Variants in TCAIM observed in about 807,000 individuals in gnomAD.
The protein encoded by TCAIM is T-cell activation inhibitor, mitochondrial.
In TCAIM, 36 loss-of-function variants were observed where a neutral mutation model predicts 58.6. The observed-to-expected ratio is 0.61, with a 90% confidence interval of 0.47 to 0.81. TCAIM has a LOEUF of 0.81. Ranked by LOEUF, TCAIM falls within the 30% of genes least tolerant of loss-of-function variation. The pLI is 0.00. For synonymous variants in TCAIM, 172 were observed against 193.6 expected, an observed-to-expected ratio of 0.89 and a Z score of 0.93; for missense variants, 466 against 579.6, an observed-to-expected ratio of 0.80 and a Z score of 2.01.
chr3:44,400,554 G>A lies in TCAIM; in HGVS notation c.1085G>A (p.Arg362Gln), dbSNP rs142277459. 1.7e-5 allele frequency: 28 copies of A among 1,613,246 alleles called. No individual in the cohort carries two copies. In the African/African-American group the frequency reaches 2.0e-4, roughly 12 times the overall value. The change falls in exon 9 of 11, where the codon CGA becomes CAA. Residue 362 changes from arginine to glutamine, a missense_variant. Physicochemically the swap from Arg to Gln is conservative, Grantham distance 43. Transcript: ENST00000342649. ...LLKSRILFHP[R>Q]SLRGLQMILN... ...AAAAGTAGAATACTATTTCACCCTC[G>A]AAGTTTGCGTGGTTTACAAATGATC...
intron 1 of TCAIM, among the ~76,000 whole-genome samples, chr3:44,353,690 T>C (rs541962300): frequency 2.6e-5 from 4 of 152,374 alleles, no homozygotes; most frequent in Admixed American, 6.5e-5. Flanking sequence ...GATGTTGAAC[T>C]GCATTTCATA....
intron 4 of TCAIM, among the ~76,000 whole-genome samples, chr3:44,364,516 A>G (rs527848629): frequency 2.0e-5 from 3 of 152,256 alleles, no homozygotes. Flanking sequence ...CAAGGCAGGC[A>G]AATTGCTTGA....
intron 5 of TCAIM, among the ~76,000 whole-genome samples, chr3:44,387,416 G>A (rs1701761817): frequency 6.6e-6 from 1 of 152,182 alleles, no homozygotes; most frequent in Admixed American, 6.5e-5. Context: ...ACCTAGGTCT[G>A]GGCTCCCCAA....
rs370734589 is a variant in TCAIM at position 44,354,719 on chromosome 3, A to G, written c.-44-20A>G. ...TTAAAATTCTACTTGTTCATTTGTG[A>G]TATCTGCTTAACTTTTAAGCAATTA... On this transcript the variant is annotated intron_variant, in intron 1 of 10. Transcript: ENST00000342649. The G allele has an allele frequency of 8.3e-4, 1,273 of 1,531,772 alleles. 2 individuals are homozygous for G. Among genetic ancestry groups the G allele is most frequent in the Non-Finnish European group, 1.0e-3 (1,130 of 1,124,584 alleles). The allele number at this position is 1,531,772 out of a possible 1,614,324, so 94.9% of individuals were successfully genotyped here.
chr3:44,373,134 T>A (rs1701507060), intron 5 of TCAIM, among the ~76,000 whole-genome samples: 2 of 149,720 alleles, frequency 1.3e-5, no homozygotes, highest in Middle Eastern at 3.2e-3. Context: ...TTTTTATTTT[T>A]AAATATTTTT....
intron 1 of TCAIM, among the ~76,000 whole-genome samples, chr3:44,353,238 A>G (rs1328143557): frequency 1.5e-4 from 7 of 46,588 alleles, no homozygotes; most frequent in African/African-American, 3.0e-4. Flanking sequence ...TTAACTTAGT[A>G]GTATCCAGTT....
intron 3 of TCAIM, among the ~76,000 whole-genome samples, chr3:44,360,729 C>T (rs1701282870): frequency 6.6e-6 from 1 of 151,968 alleles, no homozygotes; most frequent in Admixed American, 6.6e-5. Context: ...CCTCAGCCTC[C>T]TGAGTAGCTG....
At position 44,398,072 on chromosome 3, in the gene TCAIM, C is replaced by T. The variant is rs185701911; in HGVS notation, c.885+1238C>T. On this transcript the variant is annotated intron_variant, in intron 8 of 10. Transcript: ENST00000342649. Reference sequence around the variant, plus strand: ...CTAGAAAAACCAATCCAACCAAAAACGGTGACATGAAATGACATGTTGCCA... The same window carrying T: ...CTAGAAAAACCAATCCAACCAAAAATGGTGACATGAAATGACATGTTGCCA... Among the ~76,000 whole-genome samples the T allele has an allele frequency of 1.3e-4, 20 of 150,516 alleles. No homozygotes were observed. The East Asian group carries it at 2.7e-3, about 20-fold the overall frequency.
At chr3:44,365,672 A>C (rs939750306) in intron 4 of TCAIM, among the ~76,000 whole-genome samples, 1 of 152,170 alleles carries the variant, frequency 6.6e-6, no homozygotes, top group African/African-American at 2.4e-5. Flanking sequence ...AAAAGGTCAA[A>C]GAACAGTGCT....
chr3:44,363,216 G>A (rs978458879), intron 4 of TCAIM, among the ~76,000 whole-genome samples: 1 of 152,198 alleles, frequency 6.6e-6, no homozygotes, highest in African/African-American at 2.4e-5. Flanking sequence ...CAGCAAATTA[G>A]GGACAGAGCT....
In TCAIM at chr3:44,407,751, A is replaced by G; in HGVS notation, c.*69A>G. ...TAAATTAAAAATATTTAAATCCACA[A>G]TTTGATATAACAGTATTATTTACAT... On this transcript the variant is annotated 3_prime_UTR_variant, in exon 11 of 11. Transcript: ENST00000342649. 4 of 1,414,640 alleles carry G rather than the reference A, an allele frequency of 2.8e-6. No individual in the cohort carries two copies. The highest frequency in any genetic ancestry group is 3.8e-6 in the Non-Finnish European group (4 of 1,059,776). The allele number at this position is 1,414,640 out of a possible 1,614,324, so 87.6% of individuals were successfully genotyped here.
intron 5 of TCAIM, among the ~76,000 whole-genome samples, chr3:44,373,636 A>G (rs1036874317): frequency 1.3e-5 from 2 of 152,202 alleles, no homozygotes; most frequent in South Asian, 2.1e-4. Flanking sequence ...CGTGGGTGAC[A>G]GAGTGAGACT....
At chr3:44,385,427 A>G (rs926002716) in intron 5 of TCAIM, among the ~76,000 whole-genome samples, 1 of 152,178 alleles carries the variant, frequency 6.6e-6, no homozygotes, top group Non-Finnish European at 1.5e-5. Context: ...CTGATCCTGA[A>G]AAAGTTAATG....
chr3:44,398,445 T>TTAGATAGATAGATAGATAGA (rs58163075), intron 8 of TCAIM, among the ~76,000 whole-genome samples: 20 of 145,232 alleles, frequency 1.4e-4, no homozygotes, highest in Non-Finnish European at 1.9e-4. Flanking sequence ...GATACAAAGA[T>TTAGATAGATAGATAGATAGA]TAGATAGATA....
At chr3:44,396,332 T>C in intron 6 of TCAIM, 68 bp from the exon 7 acceptor site, 3 of 1,366,688 alleles carry the variant, frequency 2.2e-6, no homozygotes, top group Middle Eastern at 1.8e-4. Flanking sequence ...CTCCAGTAGT[T>C]GTGGTGGGTG....
At chr3:44,370,293 C>G (rs965973571) in intron 5 of TCAIM, among the ~76,000 whole-genome samples, 1 of 152,024 alleles carries the variant, frequency 6.6e-6, no homozygotes. Context: ...AACCCCGTCT[C>G]TACTAAAAAT....
intron 1 of TCAIM, among the ~76,000 whole-genome samples, chr3:44,345,230 TAGA>T (rs1265288867): frequency 6.6e-6 from 1 of 152,102 alleles, no homozygotes; most frequent in Non-Finnish European, 1.5e-5. Context: ...GTGGGGTTGT[TAGA>T]AGGAGCATTT....
intron 1 of TCAIM, chr3:44,340,845 A>C (rs763334196): frequency 1.3e-5 from 2 of 151,976 alleles, no homozygotes; most frequent in Admixed American, 6.6e-5. Flanking sequence ...CCTAAGAGTT[A>C]TTTCTTTCTC....
chr3:44,343,165 G>A (rs1324840975), intron 1 of TCAIM, among the ~76,000 whole-genome samples: 1 of 151,872 alleles, frequency 6.6e-6, no homozygotes, highest in Non-Finnish European at 1.5e-5. Context: ...ATGTTTTGGT[G>A]TTACAACAGA....
Sources: allele counts gnomAD v4.1 joint callset (sites outside exome capture counted in the v4.1 genomes callset), GRCh38; gene constraint gnomAD v4.1.1; transcripts MANE v1.5; gene names NCBI Gene and HGNC (gene_info 2026-07-23, HGNC 2026-07-21).